The following NIBAN1 variants were observed in gnomAD, a reference collection of about 807,000 sequenced individuals.
NIBAN1 encodes the protein protein Niban 1.
Under a neutral mutation model 75.1 loss-of-function variants are expected in NIBAN1, and 81 were observed. The observed-to-expected ratio is 1.08, with a 90% confidence interval of 0.90 to 1.30. The LOEUF is 1.30. NIBAN1 is among the 50% of genes most tolerant of loss of function. NIBAN1 has a pLI of 0.00. For missense variants in NIBAN1, 1,133 were observed against 1,128.1 expected (o/e 1.00, Z -0.06); for synonymous variants, 436 against 424.8 (o/e 1.03, Z -0.32).
At position 184,831,899 on chromosome 1, in the gene NIBAN1, T is replaced by G; in HGVS notation, c.665A>C (p.Gln222Pro). 6.2e-7 allele frequency: 1 copy of G among 1,614,188 alleles called. No individual in the cohort carries two copies. Residue 222 changes from glutamine to proline, a missense_variant, in exon 6 of 14, where the codon CAG (glutamine) becomes CCG (proline). Gln to Pro is a moderately conservative substitution (Grantham distance 76). Coordinates refer to ENST00000367511, the MANE Select transcript of NIBAN1 (RefSeq NM_052966.4). ...AFLEAVQFFR[Q>P]EKGHYGSWEM... ...CCAGGAACCATAGTGACCCTTCTCCTGTCGGAAGAATTGCACAGCTTCTAA... is the reference window on the plus strand; with the variant it reads ...CCAGGAACCATAGTGACCCTTCTCCGGTCGGAAGAATTGCACAGCTTCTAA...
At chr1:184,912,858 G>A (rs1657279473) in intron 1 of NIBAN1, among the ~76,000 whole-genome samples, 1 of 152,112 alleles carries the variant, frequency 6.6e-6, no homozygotes, top group Admixed American at 6.6e-5. Context: ...CCCTTCTTCA[G>A]GGCAGATGCA....
intron 1 of NIBAN1, among the ~76,000 whole-genome samples, chr1:184,949,922 C>T (rs1346124046): frequency 6.6e-6 from 1 of 152,130 alleles, no homozygotes; most frequent in South Asian, 2.1e-4. Context: ...AGGTAAGGCT[C>T]TTGCACCCCC....
In NIBAN1 at chr1:184,921,407, G is replaced by A. The variant is rs180953675; in HGVS notation, c.56-22098C>T. Among the ~76,000 whole-genome samples, 682 of 152,220 alleles carry A rather than the reference G, an allele frequency of 4.5e-3. 4 individuals carry two copies. The highest frequency in any genetic ancestry group is 0.014 in the Middle Eastern group (4 of 294). On this transcript the variant is annotated intron_variant, in intron 1 of 13. Transcript: ENST00000367511. ...TTATAGAGACAGCGATCACAAAAAA[G>A]TAAAAGAAACAGAACCAGCTGAGCA...
intron 5 of NIBAN1, among the ~76,000 whole-genome samples, chr1:184,861,705 G>C (rs79414589): frequency 7.1e-6 from 1 of 141,596 alleles, no homozygotes; most frequent in Non-Finnish European, 1.5e-5. Context: ...AGGAAAGAAG[G>C]AAGGAAGGGG....
Position 184,793,996 on chromosome 1 carries a change from T to C in NIBAN1, c.*981A>G, listed in dbSNP as rs977360204. 6.6e-6 allele frequency: 1 copy of C among 151,884 alleles called. No individual in the cohort carries two copies. Among genetic ancestry groups the C allele is most frequent in the African/African-American group, 2.4e-5 (1 of 41,336 alleles). The allele number at this position is 151,884 out of a possible 1,614,324, so 9.4% of individuals were successfully genotyped here. A position where few individuals can be genotyped will look rare whatever the true frequency, so the allele number is the denominator to read the frequency against. ...TGGGAATGAACCAGGACTATTTGAATGGAAAGAGAAAAAAAAAAGCTGTCA... is the reference window on the plus strand; with the variant it reads ...TGGGAATGAACCAGGACTATTTGAACGGAAAGAGAAAAAAAAAAGCTGTCA... On this transcript the variant is annotated 3_prime_UTR_variant, in exon 14 of 14. Coordinates refer to ENST00000367511, the MANE Select transcript of NIBAN1 (RefSeq NM_052966.4).
At chr1:184,927,722 T>C (rs574960378) in intron 1 of NIBAN1, among the ~76,000 whole-genome samples, 1 of 152,198 alleles carries the variant, frequency 6.6e-6, no homozygotes, top group East Asian at 1.9e-4. Flanking sequence ...GAGCTTGGCT[T>C]GTGTCCTTAT....
chr1:184,915,435 T>C (rs1657359281), intron 1 of NIBAN1, among the ~76,000 whole-genome samples: 1 of 152,228 alleles, frequency 6.6e-6, no homozygotes, highest in African/African-American at 2.4e-5. Flanking sequence ...CCAACATACG[T>C]GCTCACTGGT....
At chr1:184,962,884 T>G (rs1658687987) in intron 1 of NIBAN1, among the ~76,000 whole-genome samples, 1 of 152,202 alleles carries the variant, frequency 6.6e-6, no homozygotes, top group African/African-American at 2.4e-5. Flanking sequence ...TAATGTTTTT[T>G]TCCTGCTTTT....
At chr1:184,963,345 A>T (rs1461331894) in intron 1 of NIBAN1, among the ~76,000 whole-genome samples, 1 of 152,114 alleles carries the variant, frequency 6.6e-6, no homozygotes, top group African/African-American at 2.4e-5. Context: ...TAATAGCAAA[A>T]TGGGGAACAT....
chr1:184,831,982 G>A lies in NIBAN1; in HGVS notation c.602-20C>T. On this transcript the variant is annotated intron_variant, in intron 5 of 13. Transcript: ENST00000367511. ...TGTAATCTAAAGAAAAGAAGAAAGG[G>A]CATTCAGCAAGATAAAACACTCTAG... 2 of 1,576,024 alleles carry A rather than the reference G, an allele frequency of 1.3e-6. No individual in the cohort carries two copies. Among genetic ancestry groups the A allele is most frequent in the Non-Finnish European group, 1.7e-6 (2 of 1,145,582 alleles).
intron 1 of NIBAN1, among the ~76,000 whole-genome samples, chr1:184,924,124 T>A (rs1657627403): frequency 6.6e-6 from 1 of 152,116 alleles, no homozygotes; most frequent in African/African-American, 2.4e-5. Flanking sequence ...GAGTAACAGT[T>A]ATGAAGTGGG....
intron 1 of NIBAN1, among the ~76,000 whole-genome samples, 170 bp from the exon 2 acceptor site, chr1:184,899,479 C>T (rs537293309): frequency 4.9e-4 from 75 of 152,240 alleles, no homozygotes; most frequent in African/African-American, 1.7e-3. Flanking sequence ...AGTCTGTCTT[C>T]CCGGAGAACT....
intron 6 of NIBAN1, among the ~76,000 whole-genome samples, chr1:184,824,691 A>AT (rs1003568830): frequency 9.2e-5 from 14 of 151,516 alleles, no homozygotes; most frequent in East Asian, 5.8e-4. Flanking sequence ...TGGAAATACT[A>AT]TTTTTTTTTA....
intron 1 of NIBAN1, among the ~76,000 whole-genome samples, chr1:184,957,357 G>C (rs893443235): frequency 2.6e-5 from 4 of 152,166 alleles, no homozygotes; most frequent in African/African-American, 9.7e-5. Flanking sequence ...AAATAAAGCA[G>C]AATACCTCAC....
rs1035784741 is a variant in NIBAN1, at chr1:184,920,128, A to G, written c.56-20819T>C. The stretch of plus-strand genomic sequence containing the variant: ...GACATTGAGGAGGAGGAAACCTACA[A>G]GACGTGTAAAAATGGAAAATCAAGG... On this transcript the variant is annotated intron_variant, in intron 1 of 13. Coordinates refer to ENST00000367511, the MANE Select transcript of NIBAN1 (RefSeq NM_052966.4). 1.8e-4 allele frequency among the ~76,000 whole-genome samples: 28 copies of G among 152,320 alleles called. No homozygotes were observed. In the East Asian group the frequency reaches 5.0e-3, roughly 27 times the overall value.
At chr1:184,893,822 T>C (rs1027119633) in intron 3 of NIBAN1, among the ~76,000 whole-genome samples, 2 of 152,250 alleles carry the variant, frequency 1.3e-5, no homozygotes, top group African/African-American at 4.8e-5. Flanking sequence ...GGCAAGCATC[T>C]GTCTTATCAA....
intron 3 of NIBAN1, among the ~76,000 whole-genome samples, chr1:184,890,450 C>T (rs1041302001): frequency 6.6e-6 from 1 of 152,132 alleles, no homozygotes; most frequent in African/African-American, 2.4e-5. Context: ...AAATCAGAGT[C>T]CCTAATCTCA....
At chr1:184,867,197 C>T (rs1655979947) in intron 5 of NIBAN1, among the ~76,000 whole-genome samples, 1 of 150,186 alleles carries the variant, frequency 6.7e-6, no homozygotes, top group Non-Finnish European at 1.5e-5. Context: ...TACACACAAA[C>T]ACACACACAC....
At chr1:184,808,386 G>A (rs1007905124) in intron 9 of NIBAN1, 151 bp from the exon 10 acceptor site, 4 of 784,678 alleles carry the variant, frequency 5.1e-6, no homozygotes, top group Non-Finnish European at 7.8e-6. Flanking sequence ...ACCTTCAACT[G>A]TCTTATTTTC....
Sources: gnomAD v4.1 joint callset for allele counts (sites outside exome capture counted in the v4.1 genomes callset) on GRCh38, gnomAD v4.1.1 for gene constraint, MANE v1.5 for transcripts, NCBI Gene and HGNC (gene_info 2026-07-23, HGNC 2026-07-21) for gene names.